Variants in FDFT1 observed in about 807,000 individuals in gnomAD.
FDFT1 encodes the protein squalene synthase.
Under a neutral mutation model 46.8 loss-of-function variants are expected in FDFT1, and 68 were observed. The ratio of observed to expected loss-of-function variants is 1.45; its 90% CI spans 1.19 to 1.78. The LOEUF (loss-of-function observed/expected upper bound fraction) is 1.78. FDFT1 is among the 40% of genes most tolerant of loss of function. FDFT1 has a pLI of 0.00. For missense variants in FDFT1, 928 were observed against 524.4 expected (o/e 1.77, Z -7.52); for synonymous variants, 351 against 185.1 (o/e 1.90, Z -7.28).
At chr8:11,814,724 G>T (rs1473573392) in intron 3 of FDFT1, among the ~76,000 whole-genome samples, 3 of 152,178 alleles carry the variant, frequency 2.0e-5, no homozygotes, top group African/African-American at 7.2e-5. Flanking sequence ...CTCATACTGA[G>T]TTGTTTAATG....
intron 3 of FDFT1, among the ~76,000 whole-genome samples, chr8:11,810,958 A>T (rs1457835323): frequency 3.7e-5 from 5 of 134,174 alleles, no homozygotes; most frequent in Non-Finnish European, 8.2e-5. Context: ...AAAAAAAAAA[A>T]GGAATGTTTG....
intron 1 of FDFT1, chr8:11,808,572 G>A (rs1412274041): frequency 7.2e-6 from 10 of 1,384,934 alleles, no homozygotes; most frequent in Admixed American, 3.4e-5. Flanking sequence ...GCGCACCTTG[G>A]TGCTGAGTCC....
rs368526467 is a variant in FDFT1 at position 11,827,875 on chromosome 8, T to TAAAAC, written c.702+1685_702+1689dup. Among the ~76,000 whole-genome samples, 47 of 148,766 alleles carry TAAAAC rather than the reference T, an allele frequency of 3.2e-4. 1 individual carries two copies. Among genetic ancestry groups the TAAAAC allele is most frequent in the East Asian group, 2.1e-3 (11 of 5,152 alleles). On this transcript the variant is annotated intron_variant, in intron 5 of 7. Coordinates refer to ENST00000220584, the MANE Select transcript of FDFT1 (RefSeq NM_004462.5). ...GACAACGTAGTGAGACCTTATCTCT[T>TAAAAC]AAAACAAAACAAAACAAAACAAAAC...
chr8:11,835,393 C>G (rs549551269), intron 7 of FDFT1, among the ~76,000 whole-genome samples: 7 of 152,310 alleles, frequency 4.6e-5, no homozygotes, highest in African/African-American at 1.7e-4. Context: ...GACTGCAGCT[C>G]TTCCAGTTGT....
rs1014712965 is a variant in FDFT1 at position 11,821,803 on chromosome 8, C to T, written c.435C>T (p.Asp145=). The change falls in exon 4 of 8, where the codon GAC becomes GAT. Residue 145 remains aspartate (D), a synonymous_variant. Transcript: ENST00000220584. ...AGAAATACCAAACAGTGATTGCCGA[C>T]ATTTGCCGGAGAATGGGCATTGGGA... is the stretch of plus-strand genomic sequence containing the variant. ...LAEKYQTVIA[D]ICRRMGIGMA... is the part of the protein sequence containing the mutation. 2 of 1,613,740 alleles carry T rather than the reference C, an allele frequency of 1.2e-6. No individual in the cohort carries two copies. Among genetic ancestry groups the T allele is most frequent in the East Asian group, 2.2e-5 (1 of 44,878 alleles).
At chr8:11,799,840 G>A (rs1405206413), upstream of FDFT1, among the ~76,000 whole-genome samples, 1 of 151,838 alleles carries the variant, frequency 6.6e-6, no homozygotes, top group Non-Finnish European at 1.5e-5. Flanking sequence ...CAGCTACTCG[G>A]GAGGCTAAGG....
At chr8:11,817,175 T>C (rs1053556259) in intron 3 of FDFT1, among the ~76,000 whole-genome samples, 2 of 152,186 alleles carry the variant, frequency 1.3e-5, no homozygotes, top group African/African-American at 4.8e-5. Context: ...ATGATGTTTA[T>C]TGATTTGTGT....
At chr8:11,809,037 T>TA in intron 2 of FDFT1, 146 bp downstream of exon 2, 1 of 1,373,474 alleles carries the variant, frequency 7.3e-7, no homozygotes, top group African/African-American at 1.5e-5. Flanking sequence ...CCTACGTGTT[T>TA]ACTTTAGAAA....
rs528913305 is a variant in FDFT1 at position 11,833,084 on chromosome 8, T to C, written c.1032+1414T>C. Among the ~76,000 whole-genome samples, 352 of 152,346 alleles carry C rather than the reference T, an allele frequency of 2.3e-3. 4 individuals carry two copies. The highest frequency in any genetic ancestry group is 1.7e-3 in the Non-Finnish European group (118 of 68,036). ...CCAGAACTTCTATCAGAGGCACCTATGGAAGTCTAAGGGAAGACCACATCG... is the reference window on the plus strand; with the variant it reads ...CCAGAACTTCTATCAGAGGCACCTACGGAAGTCTAAGGGAAGACCACATCG... On this transcript the variant is annotated intron_variant, in intron 7 of 7. Coordinates refer to ENST00000220584, the MANE Select transcript of FDFT1 (RefSeq NM_004462.5).
exon 1 of FDFT1, chr8:11,795,674 A>G (rs1177799972): frequency 6.6e-6 from 1 of 151,984 alleles, no homozygotes; most frequent in Non-Finnish European, 1.5e-5. Context: ...CACTGCCTTT[A>G]TGAGCTGTAA....
chr8:11,797,662 AAAC>A (rs1317510164), upstream of FDFT1, among the ~76,000 whole-genome samples: 35 of 145,508 alleles, frequency 2.4e-4, no homozygotes, highest in Non-Finnish European at 4.9e-4. Flanking sequence ...AAAAAAAAAG[AAAC>A]AAACAAAAAA....
intron 3 of FDFT1, among the ~76,000 whole-genome samples, chr8:11,819,898 AG>A (rs1808984141): frequency 6.6e-6 from 1 of 151,956 alleles, no homozygotes; most frequent in African/African-American, 2.4e-5. Flanking sequence ...GCTGGTGAGG[AG>A]TTACGTTCCT....
At chr8:11,798,320 C>T (rs1805772233), upstream of FDFT1, among the ~76,000 whole-genome samples, 1 of 152,098 alleles carries the variant, frequency 6.6e-6, no homozygotes, top group Non-Finnish European at 1.5e-5. Context: ...TTGGTCTTCC[C>T]AAGTGCTGGG....
At chr8:11,824,634 A>C (rs1036212432) in intron 4 of FDFT1, among the ~76,000 whole-genome samples, 1 of 152,136 alleles carries the variant, frequency 6.6e-6, no homozygotes, top group Non-Finnish European at 1.5e-5. Context: ...GGGCAAGTTA[A>C]ATCGACTTCT....
intron 7 of FDFT1, 67 bp downstream of exon 7, chr8:11,831,737 A>C: frequency 7.5e-7 from 1 of 1,329,432 alleles, no homozygotes. Flanking sequence ...GTCACTGTTT[A>C]ACCAGGTTTG....
intron 3 of FDFT1, among the ~76,000 whole-genome samples, chr8:11,815,928 A>T (rs1373342880): frequency 6.6e-6 from 1 of 152,194 alleles, no homozygotes; most frequent in Non-Finnish European, 1.5e-5. Context: ...TGTTTTAGTC[A>T]TGAAGTCTTT....
At chr8:11,836,856 G>C (rs1426404592) in intron 7 of FDFT1, among the ~76,000 whole-genome samples, 1 of 152,222 alleles carries the variant, frequency 6.6e-6, no homozygotes, top group Non-Finnish European at 1.5e-5. Context: ...ACCAACACTG[G>C]TAAAACCTTG....
chr8:11,810,933 TAAAAAAAAAAAAAA>T (rs71539744), intron 3 of FDFT1, among the ~76,000 whole-genome samples: 3 of 89,448 alleles, frequency 3.4e-5, no homozygotes, highest in Admixed American at 1.3e-4. Flanking sequence ...GAGCAATATT[TAAAAAAAAAAAAAA>T]AAAAAAAAAA....
upstream of FDFT1, chr8:11,797,906 C>T (rs982151826): frequency 6.6e-6 from 1 of 152,154 alleles, no homozygotes; most frequent in Admixed American, 6.5e-5. Context: ...GAAAGTAGTA[C>T]AAGAATGGGT....
Sources: allele counts gnomAD v4.1 joint callset (sites outside exome capture counted in the v4.1 genomes callset), GRCh38; gene constraint gnomAD v4.1.1; transcripts MANE v1.5; gene names NCBI Gene and HGNC (gene_info 2026-07-23, HGNC 2026-07-21).